Variants in SNTG2 observed in about 807,000 individuals in gnomAD.
The protein encoded by SNTG2 is gamma-2-syntrophin.
SNTG2 carries 74 observed loss-of-function variants against 70.9 expected under a neutral mutation model. The ratio of observed to expected loss-of-function variants is 1.04; its 90% confidence interval spans 0.86 to 1.27. SNTG2 has a LOEUF of 1.27. SNTG2 is among the 50% of genes most tolerant of loss of function. SNTG2 has a pLI of 0.00. For missense variants in SNTG2, 717 were observed against 690.7 expected (o/e 1.04, Z -0.43); for synonymous variants, 278 against 273.8 (o/e 1.02, Z -0.15).
intron 13 of SNTG2, among the ~76,000 whole-genome samples, chr2:1,262,653 T>TCCGTGCAGACGAGGC (rs1553374864): frequency 8.8e-6 from 1 of 114,188 alleles, no homozygotes; most frequent in South Asian, 3.0e-4. Flanking sequence ...CCAGACGTAG[T>TCCGTGCAGACGAGGC]AACCGGAAGG....
intron 1 of SNTG2, among the ~76,000 whole-genome samples, chr2:952,169 A>G (rs1659996412): frequency 6.6e-6 from 1 of 152,218 alleles, no homozygotes; most frequent in Admixed American, 6.5e-5. Context: ...GTACTTTGTA[A>G]TATGAATAGC....
At chr2:1,203,659 CA>C (rs202037307) in intron 8 of SNTG2, among the ~76,000 whole-genome samples, 54 of 82,302 alleles carry the variant, frequency 6.6e-4, no homozygotes, top group African/African-American at 1.1e-3. Context: ...GTCTCAAAAA[CA>C]AACAAAAAAA....
chr2:1,076,870 C>T (rs187168457), intron 1 of SNTG2, among the ~76,000 whole-genome samples: 130 of 152,172 alleles, frequency 8.5e-4, no homozygotes, highest in Admixed American at 1.4e-3. Flanking sequence ...AAATTATAAA[C>T]ATTTGCATAA....
chr2:958,758 T>C (rs1188174093), intron 1 of SNTG2, among the ~76,000 whole-genome samples: 3 of 152,208 alleles, frequency 2.0e-5, no homozygotes, highest in Non-Finnish European at 4.4e-5. Context: ...ACTTCCAAAT[T>C]ATTTTCTATT....
At chr2:1,176,556 G>C (rs943734762) in intron 8 of SNTG2, among the ~76,000 whole-genome samples, 5 of 152,018 alleles carry the variant, frequency 3.3e-5, no homozygotes, top group Admixed American at 2.6e-4. Context: ...AGAGTGAACA[G>C]GCAAGTTACA....
intron 1 of SNTG2, among the ~76,000 whole-genome samples, chr2:1,059,770 T>A (rs1662694814): frequency 6.6e-6 from 1 of 152,118 alleles, no homozygotes; most frequent in Non-Finnish European, 1.5e-5. Context: ...CAATCTAGAA[T>A]ACATTAAAGC....
intron 14 of SNTG2, among the ~76,000 whole-genome samples, chr2:1,287,009 G>A (rs1386897131): frequency 1.3e-5 from 2 of 152,188 alleles, no homozygotes; most frequent in Non-Finnish European, 2.9e-5. Context: ...GTGAGACCAG[G>A]TGTGTTCTCC....
intron 8 of SNTG2, among the ~76,000 whole-genome samples, chr2:1,197,462 C>CAT (rs1360532842): frequency 1.0e-5 from 1 of 96,122 alleles, no homozygotes; most frequent in Non-Finnish European, 2.2e-5. Flanking sequence ...TCAGAGCATG[C>CAT]ATATATATAT....
intron 14 of SNTG2, among the ~76,000 whole-genome samples, chr2:1,273,517 T>C (rs1244291478): frequency 2.0e-5 from 3 of 152,104 alleles, no homozygotes; most frequent in African/African-American, 4.8e-5. Flanking sequence ...ATTCTGTGTA[T>C]GGCAGATGTG....
chr2:1,326,606 C>G (rs962749855), intron 16 of SNTG2, among the ~76,000 whole-genome samples: 1 of 152,072 alleles, frequency 6.6e-6, no homozygotes, highest in Admixed American at 6.6e-5. Flanking sequence ...ACTCTCCCCC[C>G]CACCCTTTTT....
At chr2:1,166,915 C>T (rs1013231617) in intron 7 of SNTG2, among the ~76,000 whole-genome samples, 15 of 152,078 alleles carry the variant, frequency 9.9e-5, no homozygotes, top group Middle Eastern at 3.2e-3. Flanking sequence ...GGTGGTTGGA[C>T]GAGACTCCAG....
At chr2:1,308,359 G>A in intron 14 of SNTG2, 135 bp from the exon 15 acceptor site, 1 of 762,002 alleles carries the variant, frequency 1.3e-6, no homozygotes, top group African/African-American at 1.7e-5. Flanking sequence ...GCATCCTCCT[G>A]TTTTGTTCCC....
intron 2 of SNTG2, among the ~76,000 whole-genome samples, chr2:1,096,702 C>T (rs116065489): frequency 0.017 from 2,556 of 152,290 alleles, 73 homozygotes; most frequent in African/African-American, 0.053. Context: ...TCTACTGCAT[C>T]TTCTTTATTC....
chr2:1,223,904 C>T (rs1477892579), intron 9 of SNTG2, among the ~76,000 whole-genome samples: 3 of 128,486 alleles, frequency 2.3e-5, no homozygotes, highest in Admixed American at 7.7e-5. Flanking sequence ...AGCAGACATG[C>T]GTCCCTCGAG....
At chr2:1,151,313 C>G in intron 6 of SNTG2, among the ~76,000 whole-genome samples, 1 of 32,974 alleles carries the variant, frequency 3.0e-5, no homozygotes, top group East Asian at 3.8e-4. Context: ...GGGCTGCCTC[C>G]GGGGGGTGTC....
chr2:1,081,420 T>C lies in SNTG2; in HGVS notation c.73-2098T>C, dbSNP rs538536101. On this transcript the variant is annotated intron_variant, in intron 1 of 16. Transcript: ENST00000308624. ...CTGTTTTCCCAGTCGAGTGTTCACTTATAAGAGTTACACGTTACACACACT... is the reference window on the plus strand; with the variant it reads ...CTGTTTTCCCAGTCGAGTGTTCACTCATAAGAGTTACACGTTACACACACT... Among the ~76,000 whole-genome samples, 7 of 152,358 alleles carry C rather than the reference T, an allele frequency of 4.6e-5. No homozygotes were observed. The East Asian group carries it at 1.4e-3, about 29-fold the overall frequency.
chr2:1,239,654 G>A, intron 10 of SNTG2, 84 bp from the exon 11 acceptor site: 1 of 1,429,892 alleles, frequency 7.0e-7, no homozygotes, highest in Non-Finnish European at 9.8e-7. Flanking sequence ...GACAGAGCGT[G>A]GCTGATGACT....
At chr2:1,304,023 G>T (rs1252123841) in intron 14 of SNTG2, among the ~76,000 whole-genome samples, 1 of 152,178 alleles carries the variant, frequency 6.6e-6, no homozygotes, top group Non-Finnish European at 1.5e-5. Flanking sequence ...TTTATCAAAT[G>T]TCAAAGAGAA....
intron 8 of SNTG2, among the ~76,000 whole-genome samples, chr2:1,181,838 T>C (rs1350268498): frequency 6.6e-6 from 1 of 152,210 alleles, no homozygotes; most frequent in Non-Finnish European, 1.5e-5. Context: ...TCACGTAGTT[T>C]AAGATTCTAA....
Sources: allele counts gnomAD v4.1 joint callset (sites outside exome capture counted in the v4.1 genomes callset), GRCh38; gene constraint gnomAD v4.1.1; transcripts MANE v1.5; gene names NCBI Gene and HGNC (gene_info 2026-07-23, HGNC 2026-07-21).